MPPED2: variants seen among roughly 807,000 people sequenced by gnomAD.
The protein encoded by MPPED2 is metallophosphoesterase MPPED2.
MPPED2 carries 5 observed loss-of-function variants against 33.0 expected under a neutral mutation model. The observed-to-expected ratio is 0.15, with a 90% CI of 0.08 to 0.32. MPPED2 has a LOEUF of 0.32. Ranked by LOEUF, MPPED2 falls within the 10% of genes least tolerant of loss-of-function variation. The pLI is 1.00. For missense variants in MPPED2, 275 were observed against 372.1 expected (o/e 0.74, Z 2.15); for synonymous variants, 136 against 141.9 (o/e 0.96, Z 0.29).
At chr11:30,527,699 T>G (rs1954276580) in intron 3 of MPPED2, among the ~76,000 whole-genome samples, 1 of 152,154 alleles carries the variant, frequency 6.6e-6, no homozygotes, top group South Asian at 2.1e-4. Flanking sequence ...AGGGCCACTG[T>G]GTCACCGTTT....
chr11:30,460,219 CT>C (rs1218119273), intron 4 of MPPED2, among the ~76,000 whole-genome samples: 4 of 152,148 alleles, frequency 2.6e-5, no homozygotes, highest in African/African-American at 4.8e-5. Context: ...ATAGTTTTTG[CT>C]TTTTTCTTCT....
At chr11:30,498,182 T>C (rs1952370844) in intron 3 of MPPED2, among the ~76,000 whole-genome samples, 1 of 152,098 alleles carries the variant, frequency 6.6e-6, no homozygotes, top group African/African-American at 2.4e-5. Flanking sequence ...GCCTGCCTTT[T>C]TCCATTTTAT....
At chr11:30,416,910 G>C (rs1948390606) in intron 5 of MPPED2, among the ~76,000 whole-genome samples, 1 of 152,192 alleles carries the variant, frequency 6.6e-6, no homozygotes, top group African/African-American at 2.4e-5. Flanking sequence ...TGGCTCACTA[G>C]TGGGTAGGCT....
chr11:30,483,208 A>G (rs1276026129), intron 4 of MPPED2, among the ~76,000 whole-genome samples: 1 of 152,202 alleles, frequency 6.6e-6, no homozygotes, highest in East Asian at 1.9e-4. Context: ...CCCAACAGGT[A>G]AGTACTTTTT....
chr11:30,461,659 C>T (rs1950522892), intron 4 of MPPED2, among the ~76,000 whole-genome samples: 1 of 152,018 alleles, frequency 6.6e-6, no homozygotes, highest in Non-Finnish European at 1.5e-5. Flanking sequence ...GTTCAGCACC[C>T]TGAGGCAGGC....
At chr11:30,471,458 T>C (rs1950940870) in intron 4 of MPPED2, among the ~76,000 whole-genome samples, 1 of 152,252 alleles carries the variant, frequency 6.6e-6, no homozygotes, top group Non-Finnish European at 1.5e-5. Flanking sequence ...TCTAACTTGC[T>C]TCTACTCATT....
intron 4 of MPPED2, among the ~76,000 whole-genome samples, chr11:30,473,825 ACAGAAAACC>A (rs1353833761): frequency 2.0e-5 from 3 of 152,172 alleles, no homozygotes; most frequent in Non-Finnish European, 2.9e-5. Flanking sequence ...CCAATAGTAA[ACAGAAAACC>A]CAGAAAACCA....
intron 4 of MPPED2, among the ~76,000 whole-genome samples, chr11:30,467,118 A>C (rs1950742758): frequency 6.6e-6 from 1 of 152,152 alleles, no homozygotes; most frequent in African/African-American, 2.4e-5. Context: ...TGATGGTTTA[A>C]ACAGAAGTTG....
intron 2 of MPPED2, among the ~76,000 whole-genome samples, chr11:30,575,856 C>A (rs937334020): frequency 2.0e-4 from 31 of 152,104 alleles, no homozygotes; most frequent in Admixed American, 2.0e-3. Flanking sequence ...GGCACTAAAC[C>A]GGGACACTTG....
chr11:30,522,963 T>G (rs1953957364), intron 3 of MPPED2, among the ~76,000 whole-genome samples: 1 of 152,196 alleles, frequency 6.6e-6, no homozygotes, highest in Non-Finnish European at 1.5e-5. Context: ...TTAAAGCATT[T>G]AACAATCACT....
intron 2 of MPPED2, among the ~76,000 whole-genome samples, chr11:30,559,252 T>C (rs1234219963): frequency 6.6e-6 from 1 of 152,190 alleles, no homozygotes; most frequent in Non-Finnish European, 1.5e-5. Context: ...CCCAACGGGA[T>C]CCCAGTGTTC....
At chr11:30,449,269 T>C (rs945792031) in intron 4 of MPPED2, among the ~76,000 whole-genome samples, 3 of 152,186 alleles carry the variant, frequency 2.0e-5, no homozygotes, top group African/African-American at 7.2e-5. Context: ...CTGCTGTGTT[T>C]ATATATTGAA....
intron 4 of MPPED2, among the ~76,000 whole-genome samples, chr11:30,476,919 T>C (rs1951230848): frequency 6.6e-6 from 1 of 152,070 alleles, no homozygotes; most frequent in Non-Finnish European, 1.5e-5. Flanking sequence ...GTTTGGTTTT[T>C]CAGTGAAGAG....
intron 3 of MPPED2, among the ~76,000 whole-genome samples, chr11:30,527,220 G>T (rs1039849251): frequency 6.6e-6 from 1 of 151,998 alleles, no homozygotes; most frequent in East Asian, 1.9e-4. Context: ...GTGAGCCACC[G>T]CGCCCGGCCT....
rs113023620 is a variant in MPPED2, at chr11:30,510,846, A to G, written c.311-15325T>C. ...AAAACTGAGAACTCCAACCTCTTCT[A>G]TTCAAACCCATCCAAAGCTTGTAAA... On this transcript the variant is annotated intron_variant, in intron 3 of 6. Transcript: ENST00000358117. Among the ~76,000 whole-genome samples the G allele has an allele frequency of 1.7e-3, 264 of 152,350 alleles. 2 individuals carry two copies. Among genetic ancestry groups the G allele is most frequent in the African/African-American group, 6.0e-3 (250 of 41,588 alleles).
At chr11:30,513,104 T>C (rs1020268034) in intron 3 of MPPED2, among the ~76,000 whole-genome samples, 2 of 151,778 alleles carry the variant, frequency 1.3e-5, no homozygotes, top group African/African-American at 4.8e-5. Context: ...AAAAAAAACA[T>C]ATTCTTCCAT....
chr11:30,580,357 G>C lies in MPPED2; in HGVS notation c.17C>G (p.Pro6Arg). The C allele has an allele frequency of 6.2e-7, 1 of 1,614,050 alleles. No homozygotes were observed. ...CGTTATGGTAACTTTGCCTTGAGAA[G>C]GAATCCCATGTGCCATCCTTCCTCC... MAHGI[P>R]SQGKVTITVD... The change falls in exon 2 of 7, where the codon CCT (proline) becomes CGT (arginine). Residue 6 changes from proline to arginine, a missense_variant. Pro to Arg is a moderately radical substitution (Grantham distance 103). Coordinates refer to ENST00000358117, the MANE Select transcript of MPPED2 (RefSeq NM_001584.3).
chr11:30,469,556 C>G (rs1041130386), intron 4 of MPPED2, among the ~76,000 whole-genome samples: 5 of 152,128 alleles, frequency 3.3e-5, no homozygotes, highest in Admixed American at 6.5e-5. Flanking sequence ...GTATATTCTC[C>G]TATTAAGTAC....
At chr11:30,581,556 G>T (rs145743599) in intron 1 of MPPED2, among the ~76,000 whole-genome samples, 1 of 152,274 alleles carries the variant, frequency 6.6e-6, no homozygotes, top group Non-Finnish European at 1.5e-5. Context: ...GAATAGGTTT[G>T]CCATGTGCAC....
Sources: allele counts gnomAD v4.1 joint callset (sites outside exome capture counted in the v4.1 genomes callset), GRCh38; gene constraint gnomAD v4.1.1; transcripts MANE v1.5; gene names NCBI Gene and HGNC (gene_info 2026-07-23, HGNC 2026-07-21).